Variants in MYOM2 observed in about 807,000 individuals in gnomAD.
MYOM2 encodes myomesin 2.
A neutral mutation model predicts 187.6 loss-of-function variants in MYOM2; 254 were observed. That is an observed-to-expected ratio of 1.35 (90% confidence interval 1.22 to 1.50). The LOEUF is 1.50. MYOM2 is among the 40% of genes most tolerant of loss of function. The pLI is 0.00. For synonymous variants in MYOM2, 981 were observed against 753.8 expected (o/e 1.30, Z -4.94); for missense variants, 2,796 against 1,924.0 (o/e 1.45, Z -8.48).
At chr8:2,061,818 G>A (rs1215574486) in intron 6 of MYOM2, among the ~76,000 whole-genome samples, 1 of 152,230 alleles carries the variant, frequency 6.6e-6, no homozygotes, top group African/African-American at 2.4e-5. Flanking sequence ...GGGCTCCTTG[G>A]CCCTGCTCAC....
chr8:2,073,487 C>T lies in MYOM2; in HGVS notation c.1107C>T (p.Phe369=). ...GCGGCGTCAGCGACCACAGCGCCTT[C>T]CTGTTTGTCAGAGGTGCGGGCAGCA... The part of the protein sequence containing the change: ...SRGGVSDHSA[F]LFVRDADPLV... Residue 369 remains phenylalanine, a synonymous_variant, in exon 10 of 37, where the codon TTC becomes TTT. Coordinates refer to ENST00000262113, the MANE Select transcript of MYOM2 (RefSeq NM_003970.4). The T allele has an allele frequency of 9.3e-6, 15 of 1,604,602 alleles. No individual in the cohort carries two copies. The highest frequency in any genetic ancestry group is 1.3e-5 in the Non-Finnish European group (15 of 1,178,520).
intron 15 of MYOM2, among the ~76,000 whole-genome samples, chr8:2,091,252 C>T (rs1585888851): frequency 6.6e-6 from 1 of 151,936 alleles, no homozygotes; most frequent in East Asian, 1.9e-4. Flanking sequence ...CCATATTGCC[C>T]AGGCCAGTCT....
At chr8:2,070,809 C>T (rs1819188179) in intron 8 of MYOM2, among the ~76,000 whole-genome samples, 1 of 152,208 alleles carries the variant, frequency 6.6e-6, no homozygotes, top group East Asian at 1.9e-4. Flanking sequence ...TTGTACATAA[C>T]ACAATGTTAA....
At position 2,102,650 on chromosome 8, in the gene MYOM2, T is replaced by G. The variant is rs1197233818; in HGVS notation, c.2620-17T>G. 1 of 1,564,840 alleles carries G rather than the reference T, an allele frequency of 6.4e-7. No individual in the cohort carries two copies. Among genetic ancestry groups the G allele is most frequent in the Non-Finnish European group, 8.8e-7 (1 of 1,137,792 alleles). On this transcript the variant is annotated splice_polypyrimidine_tract_variant and intron_variant, in intron 20 of 36. Transcript: ENST00000262113. ...ATTTTACCTCCACACATCTGGTGTT[T>G]CCTCTGTTGTTTCAAGGTCTCTGAC...
At chr8:2,083,828 G>A (rs953857145) in intron 13 of MYOM2, among the ~76,000 whole-genome samples, 1 of 152,214 alleles carries the variant, frequency 6.6e-6, no homozygotes, top group African/African-American at 2.4e-5. Context: ...CCCAGCCGGG[G>A]ATCCCCTGCT....
chr8:2,048,620 G>T lies in MYOM2; in HGVS notation c.-12-2135G>T, dbSNP rs1218148111. On this transcript the variant is annotated intron_variant, in intron 1 of 36. Transcript: ENST00000262113. ...TGGAACGCCAGAGCTAGAGGAGCTA[G>T]AAGCTACCCCAGGCCTCATCAGAAT... is the stretch of plus-strand genomic sequence containing the variant. Among the ~76,000 whole-genome samples the T allele has an allele frequency of 9.8e-5, 15 of 152,292 alleles. No individual in the cohort carries two copies. In the East Asian group the frequency reaches 2.9e-3, roughly 29 times the overall value.
At chr8:2,101,688 T>G (rs569992344) in intron 20 of MYOM2, among the ~76,000 whole-genome samples, 10 of 152,356 alleles carry the variant, frequency 6.6e-5, no homozygotes, top group Admixed American at 2.6e-4. Context: ...TGTCTGTTCA[T>G]GGGCTATGTC....
rs376742717 is a variant in MYOM2 at position 2,100,944 on chromosome 8, G to T, written c.2509G>T (p.Val837Leu). 1.3e-5 allele frequency: 21 copies of T among 1,614,096 alleles called. No individual in the cohort carries two copies. The African/African-American group carries it at 2.8e-4, about 22-fold the overall frequency. The change falls in exon 20 of 37, where the codon GTG (valine) becomes TTG (leucine). Residue 837 changes from valine to leucine, a missense_variant. By Grantham distance (32) the Val-to-Leu change is conservative. Coordinates refer to ENST00000262113, the MANE Select transcript of MYOM2 (RefSeq NM_003970.4). ...CTTGGTCATGCTGTGGAAGGCCCCT[G>T]TGTACTCCGGCAGCAGCCCTGTTTC... is the stretch of plus-strand genomic sequence containing the variant. ...TSLVMLWKAPVYSGSSPVSGY... is the reference protein window; with the variant it reads ...TSLVMLWKAPLYSGSSPVSGY...
At position 2,096,110 on chromosome 8, in the gene MYOM2, G is replaced by A. The variant is rs7815192; in HGVS notation, c.2126-137G>A. 26 of 752,472 alleles carry A rather than the reference G, an allele frequency of 3.5e-5. No homozygotes were observed. The African/African-American group carries it at 4.2e-4, about 12-fold the overall frequency. The allele number at this position is 752,472 out of a possible 1,614,324, so 46.6% of individuals were successfully genotyped here. ...ACCAAGGTGGTTAAGTGTGGGTTGAGAGGGATCAGAGGGCACAGTGTTCAG... is the reference window on the plus strand; with the variant it reads ...ACCAAGGTGGTTAAGTGTGGGTTGAAAGGGATCAGAGGGCACAGTGTTCAG... On this transcript the variant is annotated intron_variant, in intron 17 of 36. Transcript: ENST00000262113.
rs747178066 is a variant in MYOM2, at chr8:2,078,854, C to G, written c.1383C>G (p.Asn461Lys). 1.2e-6 allele frequency: 2 copies of G among 1,614,116 alleles called. No individual in the cohort carries two copies. Among genetic ancestry groups the G allele is most frequent in the East Asian group, 4.5e-5 (2 of 44,872 alleles). Reference protein sequence around the residue: ...RSYIFRVRAVNSAGISRPSRV... With the variant: ...RSYIFRVRAVKSAGISRPSRV... ...ACATATTCCGAGTGAGGGCAGTGAA[C>G]AGTGCGGGCATCAGCCGACCCTCCA... is the stretch of plus-strand genomic sequence containing the variant. Residue 461 changes from asparagine (N) to lysine (K), a missense_variant, in exon 12 of 37, where the codon AAC becomes AAG. Coordinates refer to ENST00000262113, the MANE Select transcript of MYOM2 (RefSeq NM_003970.4).
chr8:2,108,886 G>A, intron 24 of MYOM2, 56 bp downstream of exon 24: 2 of 1,540,548 alleles, frequency 1.3e-6, no homozygotes, highest in Non-Finnish European at 1.8e-6. Flanking sequence ...GGAGGGCCGT[G>A]TTCATTAATG....
chr8:2,129,240 T>C lies in MYOM2; in HGVS notation c.3800+8T>C. The C allele has an allele frequency of 6.3e-7, 1 of 1,594,208 alleles. No individual in the cohort carries two copies. The highest frequency in any genetic ancestry group is 8.6e-7 in the Non-Finnish European group (1 of 1,162,602). On this transcript the variant is annotated splice_region_variant and intron_variant, in intron 32 of 36. Coordinates refer to ENST00000262113, the MANE Select transcript of MYOM2 (RefSeq NM_003970.4). ...AGTGAACTGGTGTCACAAGTAAGTATGACAGCAGCCGATGGAGGCCATGCC... is the reference window on the plus strand; with the variant it reads ...AGTGAACTGGTGTCACAAGTAAGTACGACAGCAGCCGATGGAGGCCATGCC...
In MYOM2 at chr8:2,069,350, G is replaced by C; in HGVS notation, c.726G>C (p.Ala242=). The C allele has an allele frequency of 1.2e-6, 2 of 1,613,988 alleles. No individual in the cohort carries two copies. Among genetic ancestry groups the C allele is most frequent in the Non-Finnish European group, 1.7e-6 (2 of 1,179,922 alleles). The change falls in exon 7 of 37, where the codon GCG becomes GCC. Residue 242 remains alanine, a synonymous_variant. Coordinates refer to ENST00000262113, the MANE Select transcript of MYOM2 (RefSeq NM_003970.4). ...TNAHGQVSTN[A]AVVVRRFRGD... ...CCCACGGACAAGTGTCCACCAACGC[G>C]GCGGTGGTGGTGAGAAGTGAGTGCC...
chr8:2,135,770 C>T (rs1311183029), intron 32 of MYOM2, among the ~76,000 whole-genome samples: 3 of 152,156 alleles, frequency 2.0e-5, no homozygotes, highest in African/African-American at 4.8e-5. Context: ...ATTTTAATAT[C>T]CCTATATGTC....
intron 23 of MYOM2, among the ~76,000 whole-genome samples, chr8:2,108,309 G>T (rs1796959469): frequency 6.7e-6 from 1 of 149,610 alleles, no homozygotes; most frequent in Non-Finnish European, 1.5e-5. Context: ...TTAAATTCAT[G>T]GTAATACACT....
chr8:2,047,010 A>G (rs1818332561), intron 1 of MYOM2, among the ~76,000 whole-genome samples: 1 of 152,218 alleles, frequency 6.6e-6, no homozygotes, highest in African/African-American at 2.4e-5. Flanking sequence ...TGCTTACATG[A>G]GCATCTCAAG....
At chr8:2,120,107 G>C (rs1797375943) in intron 28 of MYOM2, among the ~76,000 whole-genome samples, 1 of 152,136 alleles carries the variant, frequency 6.6e-6, no homozygotes, top group Non-Finnish European at 1.5e-5. Context: ...CGTGGAGATA[G>C]CTCGTAGTGG....
intron 1 of MYOM2, among the ~76,000 whole-genome samples, chr8:2,049,419 A>G (rs912323409): frequency 6.6e-6 from 1 of 152,150 alleles, no homozygotes; most frequent in African/African-American, 2.4e-5. Context: ...TGATTCTCGG[A>G]GATTACAGAG....
At chr8:2,074,463 T>G (rs1255991483) in intron 10 of MYOM2, among the ~76,000 whole-genome samples, 1 of 152,010 alleles carries the variant, frequency 6.6e-6, no homozygotes, top group African/African-American at 2.4e-5. Context: ...TTTTTTTTAG[T>G]TTTGTTTTTG....
Sources: allele counts gnomAD v4.1 joint callset (sites outside exome capture counted in the v4.1 genomes callset), GRCh38; gene constraint gnomAD v4.1.1; transcripts MANE v1.5; gene names NCBI Gene and HGNC (gene_info 2026-07-23, HGNC 2026-07-21).